Variants in NCOA7 observed in about 807,000 individuals in gnomAD.
NCOA7 encodes the protein nuclear receptor coactivator 7.
In NCOA7, 45 loss-of-function variants were observed where a neutral mutation model predicts 104.3. That is an observed-to-expected ratio of 0.43 (90% confidence interval 0.34 to 0.55). The LOEUF (loss-of-function observed/expected upper bound fraction) is 0.55, where lower values mean the gene tolerates loss of function less well. Among genes scored for constraint, NCOA7 ranks in the 20% least tolerant of loss-of-function variants. The pLI, the probability that NCOA7 is intolerant of heterozygous loss-of-function variation, is 0.02. For missense variants in NCOA7, 1,041 were observed against 1,119.7 expected, an observed-to-expected ratio of 0.93 and a Z score of 1.00; for synonymous variants, 398 against 402.3, an observed-to-expected ratio of 0.99 and a Z score of 0.13.
intron 9 of NCOA7, among the ~76,000 whole-genome samples, chr6:125,890,417 G>T (rs1784543633): frequency 6.6e-6 from 1 of 152,084 alleles, no homozygotes; most frequent in African/African-American, 2.4e-5. Flanking sequence ...CTTATTTTCA[G>T]TATGTAGCAG....
chr6:125,915,130 G>A (rs888960126), intron 10 of NCOA7, among the ~76,000 whole-genome samples: 44 of 151,984 alleles, frequency 2.9e-4, no homozygotes, highest in Non-Finnish European at 5.4e-4. Context: ...TAACAGTTTC[G>A]CAGTGCCTGT....
At chr6:125,869,023 C>T (rs1782659987) in intron 3 of NCOA7, among the ~76,000 whole-genome samples, 1 of 152,212 alleles carries the variant, frequency 6.6e-6, no homozygotes, top group East Asian at 1.9e-4. Flanking sequence ...TCTGTTTGTG[C>T]TTGTTCAGAT....
At chr6:125,799,922 A>AT (rs1042497058) in intron 1 of NCOA7, among the ~76,000 whole-genome samples, 1 of 151,960 alleles carries the variant, frequency 6.6e-6, no homozygotes, top group Non-Finnish European at 1.5e-5. Context: ...TCATCCTTCT[A>AT]TTTTCCTTGT....
At chr6:125,807,380 G>T (rs1023590217) in intron 1 of NCOA7, among the ~76,000 whole-genome samples, 3 of 152,146 alleles carry the variant, frequency 2.0e-5, no homozygotes, top group Admixed American at 1.3e-4. Context: ...CTCAAAAAGG[G>T]TATGACAGAC....
intron 3 of NCOA7, among the ~76,000 whole-genome samples, chr6:125,868,635 C>G (rs1782627225): frequency 6.6e-6 from 1 of 152,220 alleles, no homozygotes; most frequent in Non-Finnish European, 1.5e-5. Context: ...TTAATACTAT[C>G]AAACTGCTTC....
At chr6:125,908,495 T>G (rs529143633) in intron 10 of NCOA7, among the ~76,000 whole-genome samples, 1 of 152,308 alleles carries the variant, frequency 6.6e-6, no homozygotes, top group Non-Finnish European at 1.5e-5. Flanking sequence ...GTTGTCTTTT[T>G]CTGTTGACTT....
intron 2 of NCOA7, among the ~76,000 whole-genome samples, chr6:125,837,839 C>G (rs1779757472): frequency 6.6e-6 from 1 of 152,178 alleles, no homozygotes; most frequent in South Asian, 2.1e-4. Context: ...AATGGAAAGT[C>G]CAGACCAGGG....
At chr6:125,792,135 A>G (rs1271088882) in intron 1 of NCOA7, among the ~76,000 whole-genome samples, 1 of 152,200 alleles carries the variant, frequency 6.6e-6, no homozygotes, top group Admixed American at 6.5e-5. Flanking sequence ...TATTTGTTGA[A>G]TGAATGAACT....
At chr6:125,854,976 A>G in intron 2 of NCOA7, 44 bp from the exon 3 acceptor site, 1 of 1,349,498 alleles carries the variant, frequency 7.4e-7, no homozygotes, top group South Asian at 1.3e-5. Flanking sequence ...TCTACCAGCA[A>G]ATCATCTCTC....
At chr6:125,836,749 G>C (rs575171035) in intron 2 of NCOA7, among the ~76,000 whole-genome samples, 1 of 152,132 alleles carries the variant, frequency 6.6e-6, no homozygotes, top group Admixed American at 6.5e-5. Flanking sequence ...ACATAAACAA[G>C]TACACATCTA....
chr6:125,833,659 G>C (rs1779376397), intron 2 of NCOA7, among the ~76,000 whole-genome samples: 1 of 152,068 alleles, frequency 6.6e-6, no homozygotes, highest in South Asian at 2.1e-4. Context: ...AATCAGGGTG[G>C]TGGCAAGGGG....
rs114406279 is a variant in NCOA7, at chr6:125,867,157, C to T, written c.272-7732C>T. On this transcript the variant is annotated intron_variant, in intron 3 of 15. Coordinates refer to ENST00000392477, the MANE Select transcript of NCOA7 (RefSeq NM_181782.5). The stretch of plus-strand genomic sequence containing the variant: ...ACTCTACCTGGGACTTTTCCAATTA[C>T]GCTTCTGTTACAAAAATTAAAAATT... 2.7e-3 allele frequency among the ~76,000 whole-genome samples: 416 copies of T among 152,272 alleles called. 4 individuals are homozygous for T. Among genetic ancestry groups the T allele is most frequent in the African/African-American group, 9.5e-3 (393 of 41,550 alleles).
At chr6:125,890,621 G>T (rs1429675296) in intron 9 of NCOA7, 21 bp from the exon 10 acceptor site, 1 of 1,595,410 alleles carries the variant, frequency 6.3e-7, no homozygotes, top group Non-Finnish European at 8.5e-7. Context: ...TTGAGGAACA[G>T]TTTTTTCGTG....
chr6:125,846,920 G>C (rs1780666390), intron 2 of NCOA7, among the ~76,000 whole-genome samples: 1 of 152,170 alleles, frequency 6.6e-6, no homozygotes, highest in South Asian at 2.1e-4. Context: ...ATGGTGCCTG[G>C]TTCCTTAGTC....
Position 125,890,751 on chromosome 6 carries a change from C to A in NCOA7, c.2037C>A (p.Val679=), listed in dbSNP as rs928512809. The A allele has an allele frequency of 6.2e-7, 1 of 1,613,466 alleles. No individual in the cohort carries two copies. The highest frequency in any genetic ancestry group is 1.1e-5 in the South Asian group (1 of 90,960). ...TTGCCACTCACACTGCAGCCATGGT[C>A]CAGCAGTACGGCAAACGGAGAAAGC... The part of the protein sequence containing the change: ...KSFATHTAAM[V]QQYGKRRKQP... Residue 679 remains valine (V), a synonymous_variant, in exon 10 of 16, where the codon GTC becomes GTA. Coordinates refer to ENST00000392477, the MANE Select transcript of NCOA7 (RefSeq NM_181782.5).
chr6:125,897,310 A>G (rs1212398107), intron 10 of NCOA7, among the ~76,000 whole-genome samples: 1 of 152,214 alleles, frequency 6.6e-6, no homozygotes, highest in Non-Finnish European at 1.5e-5. Flanking sequence ...CTTTAAGTCA[A>G]CATTTCCCCC....
At chr6:125,857,758 A>AT (rs1050518538) in intron 3 of NCOA7, among the ~76,000 whole-genome samples, 117 of 151,530 alleles carry the variant, frequency 7.7e-4, no homozygotes, top group African/African-American at 2.6e-3. Flanking sequence ...ATTACCACCT[A>AT]TTTTTTTAGT....
chr6:125,878,271 C>A lies in NCOA7; in HGVS notation c.360C>A (p.Asn120Lys). Reference sequence around the variant, plus strand: ...CTGTTTGATTATTCTAGGCTGGAAACCAGGACACCCTAAACTCCATAGCAC... The same window carrying A: ...CTGTTTGATTATTCTAGGCTGGAAAACAGGACACCCTAAACTCCATAGCAC... ...PHGTMEYTAG[N>K]QDTLNSIALK... Residue 120 changes from asparagine to lysine, a missense_variant, in exon 5 of 16, where the codon AAC (asparagine) becomes AAA (lysine). This residue lies in a region of NCOA7 where 914 missense variants were observed against 942.7 expected (regional missense o/e 0.97). Transcript: ENST00000392477. The A allele has an allele frequency of 6.2e-7, 1 of 1,607,440 alleles. No homozygotes were observed. The highest frequency in any genetic ancestry group is 8.5e-7 in the Non-Finnish European group (1 of 1,177,446).
intron 2 of NCOA7, among the ~76,000 whole-genome samples, chr6:125,820,331 T>C (rs1271368031): frequency 1.3e-5 from 2 of 152,260 alleles, no homozygotes; most frequent in African/African-American, 4.8e-5. Flanking sequence ...GCAAGTCTTC[T>C]AAGCTTCCTT....
Sources: allele counts gnomAD v4.1 joint callset (sites outside exome capture counted in the v4.1 genomes callset), GRCh38; gene constraint gnomAD v4.1.1; regional missense constraint gnomAD v4.1.1; transcripts MANE v1.5; gene names NCBI Gene and HGNC (gene_info 2026-07-23, HGNC 2026-07-21).